Variants in CLK3 observed in about 807,000 individuals in gnomAD.
The protein encoded by CLK3 is CDC like kinase 3.
A neutral mutation model predicts 65.2 loss-of-function variants in CLK3; 24 were observed. The ratio of observed to expected loss-of-function variants is 0.37; its 90% CI spans 0.27 to 0.52. CLK3 has a LOEUF of 0.52. CLK3 is among the 20% of genes least tolerant of loss of function. The probability of loss-of-function intolerance (pLI) is 0.92; values close to 1 mark genes in which losing one functional copy is unlikely to be tolerated. For synonymous variants in CLK3, 252 were observed against 240.8 expected (o/e 1.05, Z -0.43); for missense variants, 506 against 660.0 (o/e 0.77, Z 2.56).
chr15:74,619,874 C>A, intron 2 of CLK3, 135 bp from the exon 3 acceptor site: 1 of 1,433,314 alleles, frequency 7.0e-7, no homozygotes, highest in Non-Finnish European at 9.3e-7. Context: ...CCCCTCTCTG[C>A]CCACTTCCCA....
intron 2 of CLK3, 78 bp from the exon 3 acceptor site, chr15:74,619,931 C>T: frequency 6.3e-7 from 1 of 1,599,906 alleles, no homozygotes; most frequent in Non-Finnish European, 8.5e-7. Flanking sequence ...TAGCCCTTTA[C>T]AGTGGCCTTA....
chr15:74,610,911 C>G (rs935275580), upstream of CLK3, among the ~76,000 whole-genome samples: 5 of 152,244 alleles, frequency 3.3e-5, no homozygotes, highest in African/African-American at 1.2e-4. Context: ...TTCCTACCCT[C>G]ACATGAGGCA....
At chr15:74,612,659 C>T (rs1374011093), upstream of CLK3, among the ~76,000 whole-genome samples, 1 of 152,188 alleles carries the variant, frequency 6.6e-6, no homozygotes, top group Admixed American at 6.5e-5. Flanking sequence ...ACCAGGCCTT[C>T]TCCCCACTGG....
Position 74,627,340 on chromosome 15 carries a change from C to T in CLK3, c.818-12C>T. 1.9e-6 allele frequency: 3 copies of T among 1,609,018 alleles called. No homozygotes were observed. Among genetic ancestry groups the T allele is most frequent in the Non-Finnish European group, 2.6e-6 (3 of 1,175,358 alleles). Reference sequence around the variant, plus strand: ...TCAGTGCCTACTTCCCCTTCTTTCCCTGCTACCTTAGTTCTGCATGAGAAT... The same window carrying T: ...TCAGTGCCTACTTCCCCTTCTTTCCTTGCTACCTTAGTTCTGCATGAGAAT... On this transcript the variant is annotated splice_polypyrimidine_tract_variant and intron_variant, in intron 7 of 12. Coordinates refer to ENST00000395066, the MANE Select transcript of CLK3 (RefSeq NM_001130028.2). The surrounding 1 kb of genome is among the most constrained non-coding windows in gnomAD (Gnocchi z 4.3).
At chr15:74,609,225 G>A (rs989434549) in intron 1 of CLK3, among the ~76,000 whole-genome samples, 2 of 152,090 alleles carry the variant, frequency 1.3e-5, no homozygotes, top group African/African-American at 4.8e-5. Flanking sequence ...CAGAGGCCCC[G>A]AACTCCACTT....
chr15:74,615,098 G>A, upstream of CLK3: 1 of 268,480 alleles, frequency 3.7e-6, no homozygotes, highest in East Asian at 6.3e-5. Context: ...CTCTGCAAAA[G>A]GGGGCTGTCC....
At chr15:74,619,088 C>T in intron 1 of CLK3, 109 bp from the exon 2 acceptor site, 1 of 1,387,782 alleles carries the variant, frequency 7.2e-7, no homozygotes, top group Non-Finnish European at 9.9e-7. Context: ...GGGCCGCCTT[C>T]AAACAGAACA....
intron 12 of CLK3, 80 bp downstream of exon 12, chr15:74,629,112 C>T (rs2062169906): frequency 9.1e-7 from 1 of 1,097,796 alleles, no homozygotes; most frequent in Admixed American, 1.7e-5. Flanking sequence ...CAGAGACAGG[C>T]CAGGCCGCTA....
At chr15:74,628,779 GAC>G in intron 11 of CLK3, 96 bp downstream of exon 11, 1 of 1,144,924 alleles carries the variant, frequency 8.7e-7, no homozygotes, top group Admixed American at 2.1e-5. Context: ...GTCTTTGCTG[GAC>G]AGTCCATGGT....
chr15:74,616,679 G>C (rs1469358708), intron 1 of CLK3, among the ~76,000 whole-genome samples: 2 of 152,352 alleles, frequency 1.3e-5, no homozygotes, highest in South Asian at 2.1e-4. Context: ...CACCGTTGGT[G>C]GTGGAGGCTT....
Position 74,627,846 on chromosome 15 carries a change from GA to G in CLK3, c.1043-123del. On this transcript the variant is annotated intron_variant, in intron 9 of 12. Transcript: ENST00000395066. The surrounding 1 kb of genome is among the most constrained non-coding windows in gnomAD (Gnocchi z 4.3). Reference sequence around the variant, plus strand: ...CCTGGCTTTATCTGTCAGCCTTACTGAGAGAGGGCCTCGTACTGGGATTTGG... The same window carrying G: ...CCTGGCTTTATCTGTCAGCCTTACTGGAGAGGGCCTCGTACTGGGATTTGG... 1 of 1,180,550 alleles carries G rather than the reference GA, an allele frequency of 8.5e-7. No homozygotes were observed. The highest frequency in any genetic ancestry group is 1.3e-5 in the South Asian group (1 of 75,546). 73.1% of individuals were successfully genotyped at this position (1,180,550 alleles called of 1,614,324 possible).
At chr15:74,625,079 T>G (rs113590481) in intron 6 of CLK3, 61 bp downstream of exon 6, 14 of 1,263,550 alleles carry the variant, frequency 1.1e-5, no homozygotes, top group African/African-American at 1.5e-5. Flanking sequence ...CCCCAGGGGC[T>G]TAGTAGTGTG....
Position 74,625,898 on chromosome 15 carries a change from G to C in CLK3, c.747G>C (p.Glu249Asp). 6.2e-7 allele frequency: 1 copy of C among 1,614,202 alleles called. No homozygotes were observed. The highest frequency in any genetic ancestry group is 1.1e-5 in the South Asian group (1 of 91,086). ...LGKNTFEFLK[E>D]NNFQPYPLPH... The stretch of plus-strand genomic sequence containing the variant: ...AGAACACCTTTGAGTTCCTGAAGGA[G>C]AATAACTTCCAGCCTTACCCCCTAC... Residue 249 changes from glutamate to aspartate, a missense_variant, in exon 7 of 13, where the codon GAG (glutamate) becomes GAC (aspartate). Physicochemically the swap from Glu to Asp is conservative, Grantham distance 45 (BLOSUM62 2). Coordinates refer to ENST00000395066, the MANE Select transcript of CLK3 (RefSeq NM_001130028.2).
In CLK3 at chr15:74,628,023, G is replaced by A; in HGVS notation, c.1096G>A (p.Glu366Lys). 6.2e-7 allele frequency: 1 copy of A among 1,613,662 alleles called. No individual in the cohort carries two copies. The highest frequency in any genetic ancestry group is 8.5e-7 in the Non-Finnish European group (1 of 1,179,576). ...CTGGAGCATTGGCTGCATTCTCTTT[G>A]AGTACTACCGGGGCTTCACACTCTT... is the stretch of plus-strand genomic sequence containing the variant. ...DVWSIGCILF[E>K]YYRGFTLFQT... The change falls in exon 10 of 13, where the codon GAG becomes AAG. Residue 366 changes from glutamate to lysine, a missense_variant. By Grantham distance (56) the Glu-to-Lys change is moderately conservative. Around this residue, in one of 2 missense-constraint regions of CLK3, gnomAD observed 325 missense variants for 500.5 expected, o/e 0.65. Coordinates refer to ENST00000395066, the MANE Select transcript of CLK3 (RefSeq NM_001130028.2).
chr15:74,620,542 G>A, intron 3 of CLK3: 1 of 475,102 alleles, frequency 2.1e-6, no homozygotes, highest in Non-Finnish European at 3.8e-6. Context: ...CACTTCTTAG[G>A]ACACTTCTTA....
rs1242072080 is a variant in CLK3, at chr15:74,619,428, G to T, written c.152+80G>T. ...GTGGCAGCTCCAGACTCCTTGAGAT[G>T]ACTCCATCCCTGCCCAGCTGTCCCT... On this transcript the variant is annotated intron_variant, in intron 2 of 12. Transcript: ENST00000395066. 2.0e-6 allele frequency: 3 copies of T among 1,498,130 alleles called. No homozygotes were observed. In the Admixed American group the frequency reaches 5.2e-5, roughly 26 times the overall value. 92.8% of individuals were successfully genotyped at this position (1,498,130 alleles called of 1,614,324 possible). A position where few individuals can be genotyped will look rare whatever the true frequency, so the allele number is the denominator to read the frequency against.
intron 1 of CLK3, among the ~76,000 whole-genome samples, chr15:74,618,817 C>T (rs764550608): frequency 2.6e-5 from 4 of 152,228 alleles, no homozygotes; most frequent in Non-Finnish European, 4.4e-5. Context: ...CCCCCCCGGG[C>T]GGGAGGGAAT....
intron 1 of CLK3, among the ~76,000 whole-genome samples, chr15:74,617,373 A>G (rs2062068990): frequency 6.6e-6 from 1 of 152,244 alleles, no homozygotes; most frequent in Non-Finnish European, 1.5e-5. Flanking sequence ...GATGTTCATG[A>G]AAAGCTGCCA....
At chr15:74,623,351 CCT>C (rs1164677451) in intron 5 of CLK3, among the ~76,000 whole-genome samples, 1 of 152,176 alleles carries the variant, frequency 6.6e-6, no homozygotes, top group Non-Finnish European at 1.5e-5. Context: ...CATATGTGGC[CCT>C]CTCGCTATTT....
Sources: gnomAD v4.1 joint callset for allele counts (sites outside exome capture counted in the v4.1 genomes callset) on GRCh38, gnomAD v4.1.1 for gene constraint, gnomAD v4.1.1 regional missense constraint, Gnocchi (gnomAD v3.1) non-coding constraint, MANE v1.5 for transcripts, NCBI Gene and HGNC (gene_info 2026-07-23, HGNC 2026-07-21) for gene names.